FGD6: variants seen among roughly 807,000 people sequenced by gnomAD.
The protein encoded by FGD6 is FYVE, RhoGEF and PH domain-containing protein 6.
A neutral mutation model predicts 149.4 loss-of-function variants in FGD6; 90 were observed. The observed-to-expected ratio is 0.60, with a 90% CI of 0.51 to 0.72. The LOEUF (loss-of-function observed/expected upper bound fraction) is 0.72, where lower values mean the gene tolerates loss of function less well. Among genes scored for constraint, FGD6 ranks in the 30% least tolerant of loss-of-function variants. The pLI is 0.00. For synonymous variants in FGD6, 527 were observed against 584.0 expected (o/e 0.90, Z 1.41); for missense variants, 1,437 against 1,684.8 (o/e 0.85, Z 2.57).
chr12:95,094,082 C>G (rs1450995705), intron 15 of FGD6, among the ~76,000 whole-genome samples: 1 of 151,400 alleles, frequency 6.6e-6, no homozygotes, highest in Non-Finnish European at 1.5e-5. Flanking sequence ...CCACTTGAAC[C>G]CAGGAGGCAG....
intron 2 of FGD6, among the ~76,000 whole-genome samples, chr12:95,206,696 A>T (rs61937945): frequency 0.013 from 1,898 of 146,130 alleles, 27 homozygotes; most frequent in South Asian, 0.048. Context: ...CCTGTCTCCA[A>T]AGAAAAAAAA....
chr12:95,209,833 G>T lies in FGD6; in HGVS notation c.1451C>A (p.Ser484Tyr). The T allele has an allele frequency of 6.2e-7, 1 of 1,608,310 alleles. No homozygotes were observed. The highest frequency in any genetic ancestry group is 1.1e-5 in the South Asian group (1 of 89,402). Residue 484 changes from serine to tyrosine, a missense_variant, in exon 2 of 21, where the codon TCT becomes TAT. This residue lies in a region of FGD6 where 1,055 missense variants were observed against 1,146.0 expected (regional missense o/e 0.92). Transcript: ENST00000343958. ...TAGAGAATTTTCCTCTTTTATAACA[G>T]ATTCCTTTTGCATTTGAGGGGCAGA... ...GVSAPQMQKE[S>Y]VIKEENSLRI...
At chr12:95,212,872 C>A (rs2056735222) in intron 1 of FGD6, among the ~76,000 whole-genome samples, 4 of 152,260 alleles carry the variant, frequency 2.6e-5, no homozygotes, top group Admixed American at 2.6e-4. Flanking sequence ...TTCCCTAAAT[C>A]TCTACTTCTA....
intron 5 of FGD6, among the ~76,000 whole-genome samples, chr12:95,146,949 G>A (rs10859839): frequency 0.077 from 11,679 of 152,142 alleles, 614 homozygotes; most frequent in East Asian, 0.25. Flanking sequence ...CTTGTTCATG[G>A]GGTCAGGTTT....
At chr12:95,149,429 T>C (rs1331099484) in intron 5 of FGD6, among the ~76,000 whole-genome samples, 14 of 127,798 alleles carry the variant, frequency 1.1e-4, no homozygotes, top group Admixed American at 4.1e-4. Flanking sequence ...ATATAATATA[T>C]AGCATATATT....
intron 1 of FGD6, among the ~76,000 whole-genome samples, chr12:95,212,060 T>C (rs773274844): frequency 1.3e-5 from 2 of 152,228 alleles, no homozygotes; most frequent in Non-Finnish European, 2.9e-5. Flanking sequence ...AGAAATTTTC[T>C]AAATTTAAAA....
At chr12:95,163,222 C>G (rs1468892472) in intron 3 of FGD6, among the ~76,000 whole-genome samples, 1 of 152,152 alleles carries the variant, frequency 6.6e-6, no homozygotes, top group Non-Finnish European at 1.5e-5. Flanking sequence ...CAGCCATGCT[C>G]TCCCCTTCTG....
chr12:95,187,734 T>G (rs1166798051), intron 2 of FGD6, among the ~76,000 whole-genome samples: 1 of 151,986 alleles, frequency 6.6e-6, no homozygotes, highest in Non-Finnish European at 1.5e-5. Context: ...ATCACCAGCT[T>G]AAAGGTCTGA....
chr12:95,169,336 T>C lies in FGD6; in HGVS notation c.2586+3264A>G, dbSNP rs567939757. Among the ~76,000 whole-genome samples the C allele has an allele frequency of 1.1e-4, 16 of 151,908 alleles. No individual in the cohort carries two copies. The South Asian group carries it at 1.9e-3, about 18-fold the overall frequency. On this transcript the variant is annotated intron_variant, in intron 3 of 20. Coordinates refer to ENST00000343958, the MANE Select transcript of FGD6 (RefSeq NM_018351.4). ...TGCTTGAGATGATGAAAAAAATAAA[T>C]GTACTCTGTTGCACTAAAAACAATG...
At chr12:95,084,722 A>G in intron 19 of FGD6, 76 bp from the exon 20 acceptor site, 1 of 1,190,128 alleles carries the variant, frequency 8.4e-7, no homozygotes, top group Non-Finnish European at 1.2e-6. Context: ...CTTGATCTAC[A>G]TAGCTCTAAT....
intron 5 of FGD6, among the ~76,000 whole-genome samples, chr12:95,148,659 A>C (rs1880107292): frequency 8.3e-6 from 1 of 120,668 alleles, no homozygotes; most frequent in Non-Finnish European, 1.6e-5. Flanking sequence ...ATTATATATT[A>C]TATAATACAT....
At chr12:95,150,889 GT>G (rs1261774925) in intron 5 of FGD6, among the ~76,000 whole-genome samples, 1 of 152,058 alleles carries the variant, frequency 6.6e-6, no homozygotes, top group African/African-American at 2.4e-5. Flanking sequence ...TTGCTCAGGA[GT>G]TCGAGACCAG....
chr12:95,132,678 G>A (rs1173975825), intron 8 of FGD6, among the ~76,000 whole-genome samples: 1 of 152,158 alleles, frequency 6.6e-6, no homozygotes, highest in African/African-American at 2.4e-5. Flanking sequence ...CTTGAATCCA[G>A]GAGGCGGAGT....
Position 95,210,575 on chromosome 12 carries a change from C to G in FGD6, c.709G>C (p.Asp237His). ...AGCTGTAAGTGGCAACTGTGATGAT[C>G]AGGAACTTTTTCAAAGCTGGATGGG... The part of the protein sequence containing the change: ...PSPSSFEKVP[D>H]HHSCHLQLPS... The change falls in exon 2 of 21, where the codon GAT (aspartate) becomes CAT (histidine). Residue 237 changes from aspartate to histidine, a missense_variant. By Grantham distance (81) the Asp-to-His change is moderately conservative (BLOSUM62 -1). This residue lies in a region of FGD6 where 1,055 missense variants were observed against 1,146.0 expected (regional missense o/e 0.92). Transcript: ENST00000343958. 6.2e-7 allele frequency: 1 copy of G among 1,614,166 alleles called. No individual in the cohort carries two copies. The highest frequency in any genetic ancestry group is 8.5e-7 in the Non-Finnish European group (1 of 1,180,032).
chr12:95,216,763 C>T lies in FGD6; in HGVS notation c.16+462G>A, dbSNP rs796428433. Among the ~76,000 whole-genome samples the T allele has an allele frequency of 1.3e-3, 204 of 151,986 alleles. 1 individual carries two copies. The highest frequency in any genetic ancestry group is 4.8e-3 in the African/African-American group (198 of 41,456). ...CCACCAGGACATGACAATGTCTACG[C>T]CTCTTTAAAATGGGTAAAAGGTTTA... On this transcript the variant is annotated intron_variant, in intron 1 of 20. Coordinates refer to ENST00000343958, the MANE Select transcript of FGD6 (RefSeq NM_018351.4).
At chr12:95,183,369 T>C (rs1881339420) in intron 2 of FGD6, among the ~76,000 whole-genome samples, 1 of 152,202 alleles carries the variant, frequency 6.6e-6, no homozygotes, top group African/African-American at 2.4e-5. Flanking sequence ...CAACCCCTAG[T>C]TGTTCCTGAG....
At chr12:95,117,550 C>T (rs866767345) in intron 8 of FGD6, among the ~76,000 whole-genome samples, 7 of 152,190 alleles carry the variant, frequency 4.6e-5, no homozygotes, top group Non-Finnish European at 8.8e-5. Flanking sequence ...CCTCAGCCTC[C>T]CAAGTAGCTA....
In FGD6 at chr12:95,116,722, C is replaced by T. The variant is rs1188411685; in HGVS notation, c.3083-3021G>A. 4 of 415,932 alleles carry T rather than the reference C, an allele frequency of 9.6e-6. No homozygotes were observed. The East Asian group carries it at 2.9e-4, about 30-fold the overall frequency. The allele number at this position is 415,932 out of a possible 1,614,324, so 25.8% of individuals were successfully genotyped here. A position where few individuals can be genotyped will look rare whatever the true frequency, so the allele number is the denominator to read the frequency against. On this transcript the variant is annotated intron_variant, in intron 8 of 20. Transcript: ENST00000343958. ...CAATTTTTAAAAATATCTTTATGGT[C>T]TACAAAATCCAACTCTCCAACTTAT...
chr12:95,192,707 T>C (rs1325856292), intron 2 of FGD6, among the ~76,000 whole-genome samples: 3 of 152,070 alleles, frequency 2.0e-5, no homozygotes, highest in Middle Eastern at 3.4e-3. Context: ...ATGGGGAAGA[T>C]TGGGAGGGGA....
Sources: allele counts gnomAD v4.1 joint callset (sites outside exome capture counted in the v4.1 genomes callset), GRCh38; gene constraint gnomAD v4.1.1; regional missense constraint gnomAD v4.1.1; transcripts MANE v1.5; gene names NCBI Gene and HGNC (gene_info 2026-07-23, HGNC 2026-07-21).